The following STK33 variants were observed in gnomAD, a reference collection of about 807,000 sequenced individuals.
STK33 encodes the protein serine/threonine-protein kinase 33.
Under a neutral mutation model 58.0 loss-of-function variants are expected in STK33, and 52 were observed. That is an observed-to-expected ratio of 0.90 (90% CI 0.72 to 1.13). STK33 has a LOEUF of 1.13. Ranked by LOEUF, STK33 falls within the 50% of genes most tolerant of loss-of-function variation. The pLI is 0.00. For missense variants in STK33, 630 were observed against 604.2 expected (o/e 1.04, Z -0.45); for synonymous variants, 215 against 200.1 (o/e 1.07, Z -0.63).
intron 11 of STK33, among the ~76,000 whole-genome samples, chr11:8,450,618 C>CAAAAAAAAGTTCAAGAAGTT (rs1565022849): frequency 6.6e-6 from 1 of 150,584 alleles, no homozygotes; most frequent in Admixed American, 6.6e-5. Context: ...TTTTCAATAA[C>CAAAAAAAAGTTCAAGAAGTT]AAAAAAAAAG....
chr11:8,392,539 C>A lies in STK33; in HGVS notation c.1516G>T (p.Ala506Ser), dbSNP rs373984158. 2.5e-6 allele frequency: 4 copies of A among 1,598,870 alleles called. No homozygotes were observed. Among genetic ancestry groups the A allele is most frequent in the Non-Finnish European group, 3.4e-6 (4 of 1,168,192 alleles). Residue 506 changes from alanine (A) to serine (S), a missense_variant, in exon 16 of 16, where the codon GCC becomes TCC. Transcript: ENST00000687296. ...AGTTTCTTTTTGGTTCTGGACAGGG[C>A]GCCGGATTTAGCAGGGTACTTGGTT... The part of the protein sequence containing the change: ...TATKYPAKSG[A>S]LSRTKKKL
intron 1 of STK33, among the ~76,000 whole-genome samples, chr11:8,562,401 G>C (rs548252295): frequency 4.6e-5 from 7 of 152,076 alleles, no homozygotes; most frequent in Admixed American, 4.6e-4. Flanking sequence ...CTTCCTTGGG[G>C]ATTTTCCAGG....
chr11:8,508,759 A>G (rs1401459515), intron 1 of STK33, among the ~76,000 whole-genome samples: 3 of 152,196 alleles, frequency 2.0e-5, no homozygotes, highest in Non-Finnish European at 2.9e-5. Flanking sequence ...GGAAATGTGG[A>G]GAATGGGTTT....
chr11:8,593,241 G>A (rs2032894796), intron 1 of STK33, among the ~76,000 whole-genome samples: 1 of 152,162 alleles, frequency 6.6e-6, no homozygotes, highest in South Asian at 2.1e-4. Flanking sequence ...GAAAGAGTTT[G>A]GGTTCAAAAC....
the STK33 span, among the ~76,000 whole-genome samples, chr11:8,378,923 G>A: frequency 0.06 from 9,088 of 152,194 alleles, 466 homozygotes; most frequent in East Asian, 0.26. Context: ...CCAAAACAGC[G>A]TGGTACCAGT....
At chr11:8,548,701 T>C (rs1192505925) in intron 1 of STK33, among the ~76,000 whole-genome samples, 3 of 152,208 alleles carry the variant, frequency 2.0e-5, no homozygotes, top group African/African-American at 7.2e-5. Flanking sequence ...TTGGGCAGTA[T>C]GAACACTTCA....
At chr11:8,558,985 G>T (rs950231709) in intron 1 of STK33, among the ~76,000 whole-genome samples, 1 of 152,110 alleles carries the variant, frequency 6.6e-6, no homozygotes, top group African/African-American at 2.4e-5. Context: ...ACAAGATTTT[G>T]AAGAATCACA....
chr11:8,341,734 C>T, the STK33 span, among the ~76,000 whole-genome samples: 1 of 152,138 alleles, frequency 6.6e-6, no homozygotes, highest in Admixed American at 6.5e-5. Flanking sequence ...AAATGTAACC[C>T]CTCCCCTTCC....
intron 1 of STK33, among the ~76,000 whole-genome samples, chr11:8,572,310 GC>G (rs1452079425): frequency 2.6e-5 from 4 of 152,034 alleles, no homozygotes; most frequent in Admixed American, 6.5e-5. Flanking sequence ...CTCCAGACCT[GC>G]CCTACTTAAG....
At chr11:8,576,929 T>C (rs1300268898) in intron 1 of STK33, among the ~76,000 whole-genome samples, 1 of 152,188 alleles carries the variant, frequency 6.6e-6, no homozygotes, top group East Asian at 1.9e-4. Flanking sequence ...CATGAAAGAA[T>C]TGCTCTACTT....
chr11:8,366,501 G>T, the STK33 span, among the ~76,000 whole-genome samples: 1 of 152,226 alleles, frequency 6.6e-6, no homozygotes, highest in African/African-American at 2.4e-5. Flanking sequence ...TCACATGTGA[G>T]GGGCTGAGTC....
At chr11:8,373,198 C>T in the STK33 span, among the ~76,000 whole-genome samples, 3 of 152,174 alleles carry the variant, frequency 2.0e-5, no homozygotes, top group African/African-American at 7.2e-5. Context: ...CAGAAGGACG[C>T]GAGGCCTCTG....
rs912341553 is a variant in STK33, at chr11:8,392,553, G to C, written c.1502C>G (p.Pro501Arg). The C allele has an allele frequency of 5.6e-6, 9 of 1,613,506 alleles. No homozygotes were observed. The highest frequency in any genetic ancestry group is 7.6e-6 in the Non-Finnish European group (9 of 1,179,698). ...TPSQGTATKY[P>R]AKSGALSRTK... ...TCTGGACAGGGCGCCGGATTTAGCA[G>C]GGTACTTGGTTGCTGTTCCTTGGCT... Residue 501 changes from proline (P) to arginine (R), a missense_variant, in exon 16 of 16, where the codon CCT (proline) becomes CGT (arginine). By Grantham distance (103) the Pro-to-Arg change is moderately radical. Transcript: ENST00000687296.
intron 1 of STK33, among the ~76,000 whole-genome samples, chr11:8,509,147 AT>A (rs1952111997): frequency 1.3e-5 from 2 of 151,046 alleles, no homozygotes; most frequent in African/African-American, 4.9e-5. Context: ...AAAGCCACTC[AT>A]TACAATATGT....
chr11:8,584,621 C>G (rs140200361), intron 1 of STK33, among the ~76,000 whole-genome samples: 141 of 152,278 alleles, frequency 9.3e-4, no homozygotes, highest in African/African-American at 3.3e-3. Flanking sequence ...GAGGATAAAC[C>G]TCTGGTTTAG....
chr11:8,460,260 A>C (rs916728267), intron 8 of STK33, among the ~76,000 whole-genome samples: 2 of 152,202 alleles, frequency 1.3e-5, no homozygotes, highest in Admixed American at 6.5e-5. Context: ...AAAAACAATA[A>C]ATTGAAACTG....
chr11:8,593,210 G>A (rs1440877736), intron 1 of STK33, among the ~76,000 whole-genome samples: 1 of 152,190 alleles, frequency 6.6e-6, no homozygotes, highest in Non-Finnish European at 1.5e-5. Flanking sequence ...ACTGTCTAAA[G>A]GCACGGGCCT....
intron 1 of STK33, among the ~76,000 whole-genome samples, chr11:8,491,722 G>A (rs897662176): frequency 5.3e-5 from 8 of 152,174 alleles, no homozygotes; most frequent in African/African-American, 1.9e-4. Context: ...ACAAAGGGAA[G>A]CCCATCAGAC....
chr11:8,357,205 T>C, the STK33 span, among the ~76,000 whole-genome samples: 68,844 of 152,216 alleles, frequency 0.45, 15,826 homozygotes, highest in Non-Finnish European at 0.48. Context: ...TTCGTCCTCT[T>C]GCCCTCAATG....
Sources: allele counts gnomAD v4.1 joint callset (sites outside exome capture counted in the v4.1 genomes callset), GRCh38; gene constraint gnomAD v4.1.1; transcripts MANE v1.5; gene names NCBI Gene and HGNC (gene_info 2026-07-23, HGNC 2026-07-21).